The following KMO variants were observed in gnomAD, a reference collection of about 807,000 sequenced individuals.
KMO encodes the protein kynurenine 3-monooxygenase.
Under a neutral mutation model 57.8 loss-of-function variants are expected in KMO, and 24 were observed. That is an observed-to-expected ratio of 0.42 (90% CI 0.30 to 0.58). The LOEUF (loss-of-function observed/expected upper bound fraction) is 0.58, where lower values mean the gene tolerates loss of function less well. KMO is among the 20% of genes least tolerant of loss of function. KMO has a pLI of 0.22. For missense variants in KMO, 483 were observed against 588.2 expected (o/e 0.82, Z 1.85); for synonymous variants, 210 against 193.6 (o/e 1.08, Z -0.70).
At chr1:241,571,252 C>T (rs1021097916) in intron 10 of KMO, among the ~76,000 whole-genome samples, 1 of 151,900 alleles carries the variant, frequency 6.6e-6, no homozygotes, top group Non-Finnish European at 1.5e-5. Context: ...TCTTCCTTTC[C>T]AATTTGGATG....
rs1558433368 is a variant in KMO at position 241,590,041 on chromosome 1, C to T, written c.1128C>T (p.Phe376=). The T allele has an allele frequency of 6.2e-7, 1 of 1,613,994 alleles. No individual in the cohort carries two copies. The highest frequency in any genetic ancestry group is 8.5e-7 in the Non-Finnish European group (1 of 1,179,894). The change falls in exon 13 of 15, where the codon TTC becomes TTT. Residue 376 remains phenylalanine (F), a synonymous_variant. Coordinates refer to ENST00000366559, the MANE Select transcript of KMO (RefSeq NM_003679.5). ...EMRAHVNSSW[F]IFQKNMERFL... is the part of the protein sequence containing the mutation. Reference sequence around the variant, plus strand: ...GAGCACATGTCAACTCAAGCTGGTTCATTTTTCAGAAGAACATGGAGAGAT... The same window carrying T: ...GAGCACATGTCAACTCAAGCTGGTTTATTTTTCAGAAGAACATGGAGAGAT...
chr1:241,581,191 C>T (rs902295903), intron 10 of KMO, among the ~76,000 whole-genome samples: 2 of 152,140 alleles, frequency 1.3e-5, no homozygotes, highest in South Asian at 2.1e-4. Flanking sequence ...CTTTTTCCAT[C>T]CTTTTATTTT....
chr1:241,541,940 AG>A (rs964027574), intron 1 of KMO, among the ~76,000 whole-genome samples: 19 of 152,204 alleles, frequency 1.2e-4, no homozygotes, highest in African/African-American at 3.9e-4. Context: ...GGATTAGGGA[AG>A]GTGTTATACG....
chr1:241,582,080 T>G (rs1321995105), intron 10 of KMO, among the ~76,000 whole-genome samples: 3 of 152,212 alleles, frequency 2.0e-5, no homozygotes, highest in Non-Finnish European at 4.4e-5. Context: ...GCACTTTGAA[T>G]ATGCCAATCC....
chr1:241,542,020 T>C (rs1229782277), intron 1 of KMO, among the ~76,000 whole-genome samples: 1 of 152,236 alleles, frequency 6.6e-6, no homozygotes, highest in African/African-American at 2.4e-5. Context: ...AAATATATTA[T>C]ATCAAAAGAC....
intron 10 of KMO, among the ~76,000 whole-genome samples, chr1:241,575,803 G>C (rs892111393): frequency 2.6e-5 from 4 of 151,944 alleles, no homozygotes; most frequent in Non-Finnish European, 5.9e-5. Context: ...CTAGAATGTG[G>C]TTAATTCCAT....
chr1:241,561,336 A>G (rs547997049), intron 6 of KMO, among the ~76,000 whole-genome samples: 94 of 152,274 alleles, frequency 6.2e-4, no homozygotes, highest in African/African-American at 2.2e-3. Context: ...TTGATCACCT[A>G]CTTCTCCCAA....
chr1:241,566,644 T>A, intron 9 of KMO, 32 bp downstream of exon 9: 2 of 1,611,218 alleles, frequency 1.2e-6, no homozygotes, highest in Non-Finnish European at 1.7e-6. Context: ...TTGCTCCATT[T>A]GTTTTAATTA....
At chr1:241,550,173 G>A (rs1661344708) in intron 3 of KMO, 1 of 157,024 alleles carries the variant, frequency 6.4e-6, no homozygotes, top group Non-Finnish European at 1.4e-5. Flanking sequence ...ATCACTCATT[G>A]AGTAGCAAAA....
chr1:241,558,451 T>G (rs375274250), intron 5 of KMO, among the ~76,000 whole-genome samples: 111 of 152,348 alleles, frequency 7.3e-4, no homozygotes, highest in Non-Finnish European at 1.5e-3. Context: ...CATTTCTCCC[T>G]AACTGCACAA....
intron 9 of KMO, 99 bp from the exon 10 acceptor site, chr1:241,568,401 A>G (rs1662157619): frequency 8.1e-7 from 1 of 1,235,738 alleles, no homozygotes; most frequent in Admixed American, 2.3e-5. Context: ...TTGTTTTTCA[A>G]CAAAACTTCG....
intron 10 of KMO, among the ~76,000 whole-genome samples, chr1:241,576,220 A>G (rs1043749286): frequency 1.3e-5 from 2 of 151,826 alleles, no homozygotes; most frequent in African/African-American, 4.8e-5. Flanking sequence ...CATTCTGACA[A>G]TCTATATTTT....
chr1:241,559,994 T>G (rs1016649703), intron 5 of KMO, among the ~76,000 whole-genome samples: 1 of 152,204 alleles, frequency 6.6e-6, no homozygotes, highest in Non-Finnish European at 1.5e-5. Context: ...GATGAATACA[T>G]GAGCATTAAT....
At chr1:241,575,243 A>G (rs1184729030) in intron 10 of KMO, among the ~76,000 whole-genome samples, 1 of 151,678 alleles carries the variant, frequency 6.6e-6, no homozygotes, top group African/African-American at 2.4e-5. Context: ...GATCTTTTGT[A>G]TTTTTTGTTT....
At chr1:241,565,558 TAA>T (rs56260608) in intron 8 of KMO, among the ~76,000 whole-genome samples, 12,033 of 128,708 alleles carry the variant, frequency 0.093, 554 homozygotes, top group East Asian at 0.17. Flanking sequence ...TTGCCTCTAC[TAA>T]AAAAAAAAAA....
chr1:241,581,217 T>C (rs1662736799), intron 10 of KMO, among the ~76,000 whole-genome samples: 1 of 152,288 alleles, frequency 6.6e-6, no homozygotes, highest in East Asian at 1.9e-4. Flanking sequence ...GATGTGTGTC[T>C]TTATAGGTGA....
rs1663466562 is a variant in KMO at position 241,595,216 on chromosome 1, A to T, written c.*3063A>T. 1 of 152,646 alleles carries T rather than the reference A, an allele frequency of 6.6e-6. No individual in the cohort carries two copies. The highest frequency in any genetic ancestry group is 1.5e-5 in the Non-Finnish European group (1 of 68,408). 9.5% of individuals were successfully genotyped at this position (152,646 alleles called of 1,614,324 possible). On this transcript the variant is annotated 3_prime_UTR_variant, in exon 15 of 15. Transcript: ENST00000366559. ...AAAAAATACTATAGCAGACAGCACT[A>T]ATGTCATCAACAAACATTGTTCTTC... is the stretch of plus-strand genomic sequence containing the variant.
intron 9 of KMO, among the ~76,000 whole-genome samples, chr1:241,566,876 G>T (rs1662101470): frequency 6.6e-6 from 1 of 152,146 alleles, no homozygotes; most frequent in Admixed American, 6.5e-5. Flanking sequence ...GGCTCCTCAG[G>T]CTCCTTGGGG....
chr1:241,561,842 ACATT>A (rs1661854405), intron 6 of KMO, among the ~76,000 whole-genome samples: 1 of 152,180 alleles, frequency 6.6e-6, no homozygotes, highest in Admixed American at 6.5e-5. Flanking sequence ...GGTTGTTCAT[ACATT>A]CATTCGTACA....
Sources: allele counts gnomAD v4.1 joint callset (sites outside exome capture counted in the v4.1 genomes callset), GRCh38; gene constraint gnomAD v4.1.1; transcripts MANE v1.5; gene names NCBI Gene and HGNC (gene_info 2026-07-23, HGNC 2026-07-21).